The following FRMD4B variants were observed in gnomAD, a reference collection of about 807,000 sequenced individuals.
FRMD4B encodes the protein FERM domain containing 4B.
A neutral mutation model predicts 141.5 loss-of-function variants in FRMD4B; 74 were observed. The ratio of observed to expected loss-of-function variants is 0.52; its 90% CI spans 0.43 to 0.63. The LOEUF (loss-of-function observed/expected upper bound fraction) is 0.63. FRMD4B is among the 30% of genes least tolerant of loss of function. FRMD4B has a pLI of 0.00. For missense variants in FRMD4B, 1,366 were observed against 1,253.4 expected (o/e 1.09, Z -1.36); for synonymous variants, 506 against 467.9 (o/e 1.08, Z -1.05).
intron 17 of FRMD4B, 114 bp from the exon 18 acceptor site, chr3:69,190,066 A>C (rs2092820007): frequency 1.6e-6 from 1 of 640,218 alleles, no homozygotes; most frequent in Non-Finnish European, 2.8e-6. Flanking sequence ...GTAATTAATT[A>C]CAGTGCATTA....
chr3:69,456,777 T>A (rs1051268899), intron 1 of FRMD4B, among the ~76,000 whole-genome samples: 4 of 152,148 alleles, frequency 2.6e-5, no homozygotes, highest in Non-Finnish European at 4.4e-5. Context: ...TATTAGTGCT[T>A]TCCTCTAGAT....
chr3:69,308,559 T>C (rs1050987966), intron 3 of FRMD4B, among the ~76,000 whole-genome samples: 1 of 151,224 alleles, frequency 6.6e-6, no homozygotes, highest in Non-Finnish European at 1.5e-5. Flanking sequence ...CACCTAAGCC[T>C]CCCGAGGAGC....
intron 18 of FRMD4B, among the ~76,000 whole-genome samples, chr3:69,188,122 C>T (rs986302773): frequency 2.0e-5 from 3 of 152,156 alleles, no homozygotes; most frequent in African/African-American, 7.2e-5. Context: ...ACTGAACACT[C>T]TTCTGGGACC....
rs537527064 is a variant in FRMD4B at position 69,384,207 on chromosome 3, T to G, written c.162+1621A>C. Reference sequence around the variant, plus strand: ...ACATATATTTTAGTAGCTCAGTGTCTCAAATTGCTATTCTGCATAAAAATT... The same window carrying G: ...ACATATATTTTAGTAGCTCAGTGTCGCAAATTGCTATTCTGCATAAAAATT... On this transcript the variant is annotated intron_variant, in intron 1 of 22. Transcript: ENST00000398540. 5.3e-4 allele frequency among the ~76,000 whole-genome samples: 81 copies of G among 152,328 alleles called. 1 individual carries two copies. Among genetic ancestry groups the G allele is most frequent in the Admixed American group, 1.6e-3 (25 of 15,310 alleles).
At chr3:69,537,808 C>A (rs929416431) in intron 1 of FRMD4B, among the ~76,000 whole-genome samples, 1 of 152,208 alleles carries the variant, frequency 6.6e-6, no homozygotes, top group African/African-American at 2.4e-5. Context: ...GAAGAGAAAT[C>A]AGCCTGTGTG....
chr3:69,452,306 T>G (rs750033615), intron 1 of FRMD4B, among the ~76,000 whole-genome samples: 1 of 152,242 alleles, frequency 6.6e-6, no homozygotes, highest in Non-Finnish European at 1.5e-5. Flanking sequence ...AGGAAGCAAC[T>G]GGGCAGAGGT....
chr3:69,192,704 G>C (rs1321933728), intron 17 of FRMD4B, among the ~76,000 whole-genome samples: 1 of 152,108 alleles, frequency 6.6e-6, no homozygotes, highest in African/African-American at 2.4e-5. Flanking sequence ...CAGTCTTTGT[G>C]TGTGCATATT....
rs138048449 is a variant in FRMD4B, at chr3:69,490,233, T to C, written c.-129+51973A>G. 1.9e-4 allele frequency among the ~76,000 whole-genome samples: 29 copies of C among 152,328 alleles called. No homozygotes were observed. In the East Asian group the frequency reaches 5.2e-3, roughly 27 times the overall value. On this transcript the variant is annotated intron_variant, in intron 1 of 5. Transcript: ENST00000459638. ...ACAAACATTTTAAATGAGATGATGG[T>C]TTATAAATTATATCCCAATGAAAGC...
chr3:69,210,717 A>G (rs1237428011), intron 11 of FRMD4B, among the ~76,000 whole-genome samples: 3 of 152,120 alleles, frequency 2.0e-5, no homozygotes, highest in Non-Finnish European at 4.4e-5. Flanking sequence ...CGAAAACAGA[A>G]AATTTGAGGG....
At chr3:69,332,544 GAC>G (rs1188966603) in intron 1 of FRMD4B, among the ~76,000 whole-genome samples, 1 of 152,054 alleles carries the variant, frequency 6.6e-6, no homozygotes, top group Non-Finnish European at 1.5e-5. Flanking sequence ...AGGTAAATGA[GAC>G]AAGACTCCTG....
intron 11 of FRMD4B, among the ~76,000 whole-genome samples, chr3:69,212,473 A>C (rs1239835700): frequency 6.6e-6 from 1 of 151,916 alleles, no homozygotes; most frequent in Non-Finnish European, 1.5e-5. Flanking sequence ...TTTGGAACTG[A>C]AATAAAAAAA....
chr3:69,473,306 C>G (rs1705927619), intron 1 of FRMD4B, among the ~76,000 whole-genome samples: 1 of 152,124 alleles, frequency 6.6e-6, no homozygotes, highest in African/African-American at 2.4e-5. Context: ...GCTGATGGCT[C>G]TGTCCACTCT....
intron 5 of FRMD4B, among the ~76,000 whole-genome samples, chr3:69,287,421 G>T (rs181818135): frequency 6.6e-6 from 1 of 152,256 alleles, no homozygotes; most frequent in Non-Finnish European, 1.5e-5. Flanking sequence ...TATTTAAAAA[G>T]ATTTCTGGCC....
chr3:69,268,846 A>T (rs2093580994), intron 5 of FRMD4B, among the ~76,000 whole-genome samples: 1 of 151,920 alleles, frequency 6.6e-6, no homozygotes, highest in Non-Finnish European at 1.5e-5. Flanking sequence ...GCTATAGGGA[A>T]TACCATGTTT....
intron 17 of FRMD4B, among the ~76,000 whole-genome samples, chr3:69,190,367 A>C (rs982256321): frequency 1.8e-4 from 27 of 151,772 alleles, no homozygotes; most frequent in African/African-American, 6.5e-4. Context: ...TCTACTCTTA[A>C]TATAACTTGG....
Position 69,250,034 on chromosome 3 carries a change from C to T in FRMD4B, c.558+9G>A. On this transcript the variant is annotated intron_variant, in intron 6 of 22. Coordinates refer to ENST00000398540, the MANE Select transcript of FRMD4B (RefSeq NM_015123.3). ...GGGAGCTGCTAAGAGGCAGTTTGTC[C>T]AATCTTACCTGTAAAATAAACGCTG... 1.3e-6 allele frequency: 2 copies of T among 1,591,014 alleles called. No individual in the cohort carries two copies. The highest frequency in any genetic ancestry group is 1.7e-6 in the Non-Finnish European group (2 of 1,159,042).
intron 1 of FRMD4B, among the ~76,000 whole-genome samples, chr3:69,509,647 CT>C (rs879866709): frequency 2.0e-5 from 3 of 152,094 alleles, no homozygotes; most frequent in Non-Finnish European, 4.4e-5. Context: ...TCATCTACTG[CT>C]GGAAAATCTC....
chr3:69,413,705 A>G (rs1364050605), intron 2 of FRMD4B, among the ~76,000 whole-genome samples: 1 of 152,142 alleles, frequency 6.6e-6, no homozygotes, highest in East Asian at 1.9e-4. Context: ...TGATTGCCTC[A>G]TTAATCTCAA....
At chr3:69,230,355 A>G (rs2093295710) in intron 7 of FRMD4B, among the ~76,000 whole-genome samples, 1 of 152,200 alleles carries the variant, frequency 6.6e-6, no homozygotes, top group Non-Finnish European at 1.5e-5. Context: ...CATTACTAGT[A>G]AGAGTGTCAA....
Sources: allele counts gnomAD v4.1 joint callset (sites outside exome capture counted in the v4.1 genomes callset), GRCh38; gene constraint gnomAD v4.1.1; transcripts MANE v1.5; gene names NCBI Gene and HGNC (gene_info 2026-07-23, HGNC 2026-07-21).